The following TAFA2 variants were observed in gnomAD, a reference collection of about 807,000 sequenced individuals.
The protein encoded by TAFA2 is TAFA chemokine like family member 2.
TAFA2 carries 7 observed loss-of-function variants against 18.8 expected under a neutral mutation model. The observed-to-expected ratio is 0.37, with a 90% CI of 0.21 to 0.70. The LOEUF is 0.70. Among genes scored for constraint, TAFA2 ranks in the 30% least tolerant of loss-of-function variants. The pLI, the probability that TAFA2 is intolerant of heterozygous loss-of-function variation, is 0.53. For synonymous variants in TAFA2, 60 were observed against 54.2 expected (o/e 1.11, Z -0.47); for missense variants, 122 against 158.1 (o/e 0.77, Z 1.23).
rs567603613 is a variant in TAFA2 at position 62,054,884 on chromosome 12, A to C, written c.-2+136375T>G. ...TTCATCACAGAATCTTATTTTTAAA[A>C]CAGTATTTTTTTATCTTCTAAATAA... is the stretch of plus-strand genomic sequence containing the variant. On this transcript the variant is annotated intron_variant, in intron 1 of 4. Coordinates refer to ENST00000416284, the MANE Select transcript of TAFA2 (RefSeq NM_178539.5). Among the ~76,000 whole-genome samples, 6 of 152,330 alleles carry C rather than the reference A, an allele frequency of 3.9e-5. No homozygotes were observed. In the South Asian group the frequency reaches 8.3e-4, roughly 21 times the overall value.
In TAFA2 at chr12:61,807,219, T is replaced by C. The variant is rs1023516236; in HGVS notation, c.107-52195A>G. Among the ~76,000 whole-genome samples the C allele has an allele frequency of 5.3e-5, 8 of 151,496 alleles. No homozygotes were observed. The East Asian group carries it at 1.6e-3, about 29-fold the overall frequency. On this transcript the variant is annotated intron_variant, in intron 2 of 4. Coordinates refer to ENST00000416284, the MANE Select transcript of TAFA2 (RefSeq NM_178539.5). Reference sequence around the variant, plus strand: ...TGTGCAGCCTAGGGACTTGGTGTACTGTGTCCCAGCTGCTCCAGCCGTGGC... The same window carrying C: ...TGTGCAGCCTAGGGACTTGGTGTACCGTGTCCCAGCTGCTCCAGCCGTGGC...
At chr12:62,235,348 T>G in intron 1 of TAFA2, 2 of 656,820 alleles carry the variant, frequency 3.0e-6, no homozygotes, top group Admixed American at 2.4e-5. Flanking sequence ...TGCTGAATGC[T>G]TGGTAGGCCA....
rs190333049 is a variant in TAFA2 at position 62,122,219 on chromosome 12, T to C, written c.-2+69040A>G. 1.3e-3 allele frequency among the ~76,000 whole-genome samples: 191 copies of C among 152,288 alleles called. 1 individual carries two copies. The highest frequency in any genetic ancestry group is 4.4e-3 in the African/African-American group (184 of 41,548). On this transcript the variant is annotated intron_variant, in intron 1 of 4. Coordinates refer to ENST00000416284, the MANE Select transcript of TAFA2 (RefSeq NM_178539.5). Reference sequence around the variant, plus strand: ...ACCTGCACTTGTATCCCTGAACTTATAAGTTTTTTTAAAAGCCCATGCTAT... The same window carrying C: ...ACCTGCACTTGTATCCCTGAACTTACAAGTTTTTTTAAAAGCCCATGCTAT...
intron 1 of TAFA2, chr12:62,140,189 A>T (rs995715270): frequency 6.6e-6 from 1 of 152,110 alleles, no homozygotes; most frequent in African/African-American, 2.4e-5. Flanking sequence ...TGTGGGATTA[A>T]ATTTTTATCC....
chr12:61,864,414 C>CTATA (rs151326805), intron 2 of TAFA2, among the ~76,000 whole-genome samples: 7 of 142,450 alleles, frequency 4.9e-5, no homozygotes, highest in African/African-American at 2.0e-4. Context: ...ATATATATTT[C>CTATA]TATATATACA....
chr12:62,043,618 A>C (rs867319542), intron 1 of TAFA2, among the ~76,000 whole-genome samples: 2 of 152,180 alleles, frequency 1.3e-5, no homozygotes, highest in Non-Finnish European at 2.9e-5. Flanking sequence ...TGTAATAATA[A>C]TAAAATTTAA....
chr12:61,918,819 G>A (rs1474445747), intron 1 of TAFA2, among the ~76,000 whole-genome samples: 2 of 152,172 alleles, frequency 1.3e-5, no homozygotes, highest in Admixed American at 6.5e-5. Context: ...CAGGGCCCAG[G>A]AGTCTTTACA....
At chr12:62,228,814 G>C (rs533238899) in intron 1 of TAFA2, among the ~76,000 whole-genome samples, 1 of 152,072 alleles carries the variant, frequency 6.6e-6, no homozygotes, top group Non-Finnish European at 1.5e-5. Context: ...GGGTAGCATT[G>C]ACATTTTAAT....
intron 1 of TAFA2, among the ~76,000 whole-genome samples, chr12:62,162,060 T>A (rs1920099): frequency 0.32 from 48,704 of 152,036 alleles, 7,957 homozygotes; most frequent in Non-Finnish European, 0.36. Context: ...CTCTTTGAAA[T>A]GTATGTAAAT....
Position 62,078,360 on chromosome 12 carries a change from T to A in TAFA2, c.-2+112899A>T, listed in dbSNP as rs546788469. Among the ~76,000 whole-genome samples the A allele has an allele frequency of 9.3e-5, 14 of 149,738 alleles. No individual in the cohort carries two copies. The South Asian group carries it at 2.3e-3, about 25-fold the overall frequency. On this transcript the variant is annotated intron_variant, in intron 1 of 4. Coordinates refer to ENST00000416284, the MANE Select transcript of TAFA2 (RefSeq NM_178539.5). ...TCTCCCAAGGTTACAAAAGGAAGAG[T>A]CTGGCATTCCCCATAAGAACTATGC...
At chr12:61,870,383 T>C (rs892393376) in intron 1 of TAFA2, among the ~76,000 whole-genome samples, 1 of 152,218 alleles carries the variant, frequency 6.6e-6, no homozygotes, top group Non-Finnish European at 1.5e-5. Context: ...ATATTTGCAG[T>C]ATTTAGTAAG....
intron 1 of TAFA2, among the ~76,000 whole-genome samples, chr12:61,904,849 G>A (rs1309755040): frequency 5.3e-5 from 8 of 152,134 alleles, no homozygotes; most frequent in Non-Finnish European, 1.5e-5. Flanking sequence ...AATTTTCAGT[G>A]TGCCTAAAGG....
intron 1 of TAFA2, among the ~76,000 whole-genome samples, chr12:61,981,580 CAGA>C (rs1879637976): frequency 2.0e-5 from 3 of 152,126 alleles, no homozygotes; most frequent in Non-Finnish European, 4.4e-5. Flanking sequence ...GGCTAATATC[CAGA>C]ATCTACAAAG....
intron 1 of TAFA2, among the ~76,000 whole-genome samples, chr12:62,208,180 G>A (rs1183598034): frequency 2.0e-5 from 3 of 152,100 alleles, no homozygotes; most frequent in Admixed American, 1.3e-4. Context: ...CTGAAAATAG[G>A]AGGCTAGCTT....
intron 1 of TAFA2, among the ~76,000 whole-genome samples, chr12:62,042,841 T>A (rs1881800998): frequency 6.6e-6 from 1 of 152,078 alleles, no homozygotes; most frequent in Non-Finnish European, 1.5e-5. Context: ...AGCCCAGTCT[T>A]AAACACAACC....
chr12:62,241,533 T>G (rs942358163), intron 1 of TAFA2, among the ~76,000 whole-genome samples: 8 of 152,240 alleles, frequency 5.3e-5, no homozygotes, highest in African/African-American at 1.7e-4. Flanking sequence ...GTGTAATATT[T>G]TAGCCAGTAA....
intron 1 of TAFA2, among the ~76,000 whole-genome samples, chr12:61,943,629 A>G (rs1472051668): frequency 6.6e-6 from 1 of 152,030 alleles, no homozygotes; most frequent in East Asian, 1.9e-4. Context: ...CCAATGGAAA[A>G]CAAAAAAAGG....
At chr12:62,039,705 T>C (rs1019043343) in intron 1 of TAFA2, among the ~76,000 whole-genome samples, 1 of 152,204 alleles carries the variant, frequency 6.6e-6, no homozygotes, top group African/African-American at 2.4e-5. Context: ...AACTGTTGCA[T>C]GAACAATCCT....
rs545268373 is a variant in TAFA2 at position 61,763,753 on chromosome 12, G to A, written c.107-8729C>T. Among the ~76,000 whole-genome samples the A allele has an allele frequency of 5.7e-4, 87 of 151,924 alleles. 2 individuals carry two copies. The South Asian group carries it at 0.017, about 29-fold the overall frequency. ...CTCACGGTAAAGAGGGATGGAGCTCGGAGGAAGCAATCAGGAAAGGGAACC... is the reference window on the plus strand; with the variant it reads ...CTCACGGTAAAGAGGGATGGAGCTCAGAGGAAGCAATCAGGAAAGGGAACC... On this transcript the variant is annotated intron_variant, in intron 2 of 4. Coordinates refer to ENST00000416284, the MANE Select transcript of TAFA2 (RefSeq NM_178539.5).
Sources: gnomAD v4.1 joint callset for allele counts (sites outside exome capture counted in the v4.1 genomes callset) on GRCh38, gnomAD v4.1.1 for gene constraint, MANE v1.5 for transcripts, NCBI Gene and HGNC (gene_info 2026-07-23, HGNC 2026-07-21) for gene names.